The following EHBP1 variants were observed in gnomAD, a reference collection of about 807,000 sequenced individuals.
The protein encoded by EHBP1 is EH domain-binding protein 1.
A neutral mutation model predicts 144.0 loss-of-function variants in EHBP1; 55 were observed. The ratio of observed to expected loss-of-function variants is 0.38; its 90% CI spans 0.31 to 0.48. EHBP1 has a LOEUF of 0.48. Among genes scored for constraint, EHBP1 ranks in the 20% least tolerant of loss-of-function variants. The pLI is 0.98. For synonymous variants in EHBP1, 469 were observed against 472.7 expected (o/e 0.99, Z 0.10); for missense variants, 1,200 against 1,364.2 (o/e 0.88, Z 1.90).
chr2:62,898,989 G>T (rs2053179026), intron 10 of EHBP1, among the ~76,000 whole-genome samples: 1 of 152,122 alleles, frequency 6.6e-6, no homozygotes, highest in Non-Finnish European at 1.5e-5. Context: ...CATGAGATTG[G>T]TCTTGCCTGT....
chr2:63,035,607 G>T (rs1279407396), intron 19 of EHBP1, among the ~76,000 whole-genome samples: 2 of 151,994 alleles, frequency 1.3e-5, no homozygotes, highest in East Asian at 3.8e-4. Flanking sequence ...AAACGCAAAA[G>T]AAAGTTTTAA....
At chr2:62,965,084 T>A (rs1054308344) in intron 14 of EHBP1, 5 of 152,556 alleles carry the variant, frequency 3.3e-5, no homozygotes, top group African/African-American at 7.2e-5. Flanking sequence ...GTTTAATTGG[T>A]CTTTGTTTGA....
chr2:63,030,426 C>A (rs1246097379), intron 19 of EHBP1, among the ~76,000 whole-genome samples: 2 of 152,096 alleles, frequency 1.3e-5, no homozygotes, highest in African/African-American at 4.8e-5. Flanking sequence ...CACACACACA[C>A]ACATTTAAAA....
chr2:62,786,717 T>A (rs1360238982), intron 5 of EHBP1, among the ~76,000 whole-genome samples: 1 of 152,238 alleles, frequency 6.6e-6, no homozygotes, highest in Admixed American at 6.5e-5. Flanking sequence ...GATAATTTGC[T>A]TTCTCCGCAG....
chr2:62,695,264 G>A (rs994357634), intron 1 of EHBP1, among the ~76,000 whole-genome samples: 1 of 152,174 alleles, frequency 6.6e-6, no homozygotes, highest in African/African-American at 2.4e-5. Flanking sequence ...GGGAGGCTGA[G>A]GTGGGAGAAT....
intron 6 of EHBP1, among the ~76,000 whole-genome samples, chr2:62,827,616 A>G (rs2046433163): frequency 1.3e-5 from 2 of 151,988 alleles, no homozygotes; most frequent in Non-Finnish European, 2.9e-5. Context: ...CCAAAGAAAA[A>G]TGTTCAGGTT....
chr2:62,987,733 T>G (rs964137503), intron 15 of EHBP1, among the ~76,000 whole-genome samples: 2 of 152,132 alleles, frequency 1.3e-5, no homozygotes, highest in African/African-American at 4.8e-5. Context: ...TAATTCATGT[T>G]TGACATAGGA....
chr2:62,711,592 C>T (rs1361463423), intron 2 of EHBP1, among the ~76,000 whole-genome samples: 1 of 151,748 alleles, frequency 6.6e-6, no homozygotes, highest in East Asian at 1.9e-4. Context: ...AATCATGGGG[C>T]GATAGAAAAT....
intron 19 of EHBP1, among the ~76,000 whole-genome samples, chr2:63,034,388 A>G (rs1406811344): frequency 6.6e-6 from 1 of 152,066 alleles, no homozygotes; most frequent in African/African-American, 2.4e-5. Context: ...AAAAAGGATT[A>G]TTGTTGGTCT....
chr2:62,793,285 T>C (rs375494978), intron 5 of EHBP1, among the ~76,000 whole-genome samples: 2 of 152,138 alleles, frequency 1.3e-5, no homozygotes, highest in Non-Finnish European at 2.9e-5. Context: ...GATTGACTTT[T>C]TTTCAACCAC....
At chr2:62,881,471 A>G (rs1488206531) in intron 10 of EHBP1, among the ~76,000 whole-genome samples, 1 of 148,906 alleles carries the variant, frequency 6.7e-6, no homozygotes, top group East Asian at 2.0e-4. Flanking sequence ...AAGGGGAAGG[A>G]GAAGGGGAAG....
chr2:62,805,983 A>AC (rs2044418623), intron 5 of EHBP1, among the ~76,000 whole-genome samples: 1 of 148,246 alleles, frequency 6.7e-6, no homozygotes, highest in Non-Finnish European at 1.5e-5. Context: ...TATTTTCTGG[A>AC]TTTTTTTTTT....
chr2:62,955,371 T>C (rs1574229677), intron 13 of EHBP1, 146 bp from the exon 14 acceptor site: 1 of 698,526 alleles, frequency 1.4e-6, no homozygotes, highest in East Asian at 2.9e-5. Context: ...TAGTCAACAT[T>C]AATATTCTCT....
intron 5 of EHBP1, among the ~76,000 whole-genome samples, chr2:62,806,678 A>G (rs186800492): frequency 1.3e-5 from 2 of 151,898 alleles, no homozygotes; most frequent in East Asian, 1.9e-4. Flanking sequence ...AGCATTTTCT[A>G]TGATTCCACT....
intron 1 of EHBP1, among the ~76,000 whole-genome samples, chr2:62,679,435 C>CT (rs1302270252): frequency 1.3e-5 from 2 of 152,096 alleles, no homozygotes; most frequent in Admixed American, 1.3e-4. Context: ...AATTTTAGCA[C>CT]TTTTTTGTTC....
chr2:62,877,728 G>A (rs779255270), intron 10 of EHBP1, among the ~76,000 whole-genome samples: 5 of 152,144 alleles, frequency 3.3e-5, no homozygotes, highest in Non-Finnish European at 5.9e-5. Context: ...ACCTGCTCCT[G>A]AATGACTTTT....
At chr2:62,755,404 T>A (rs944259147) in intron 3 of EHBP1, among the ~76,000 whole-genome samples, 1 of 151,888 alleles carries the variant, frequency 6.6e-6, no homozygotes, top group Non-Finnish European at 1.5e-5. Context: ...CCTGTGTTGA[T>A]GAACATTTGT....
intron 2 of EHBP1, among the ~76,000 whole-genome samples, chr2:62,744,934 A>C (rs767774686): frequency 6.6e-6 from 1 of 152,092 alleles, no homozygotes; most frequent in Admixed American, 6.6e-5. Context: ...AATTTAAAAA[A>C]CTGCACACCA....
intron 2 of EHBP1, among the ~76,000 whole-genome samples, chr2:62,707,644 T>G (rs1443347028): frequency 6.6e-6 from 1 of 152,234 alleles, no homozygotes; most frequent in Non-Finnish European, 1.5e-5. Flanking sequence ...TTGTGAGCAT[T>G]AATCCGTATA....
Sources: allele counts gnomAD v4.1 joint callset (sites outside exome capture counted in the v4.1 genomes callset), GRCh38; gene constraint gnomAD v4.1.1; transcripts MANE v1.5; gene names NCBI Gene and HGNC (gene_info 2026-07-23, HGNC 2026-07-21).